The following ZNF555 variants were observed in gnomAD, a reference collection of about 807,000 sequenced individuals.
ZNF555 encodes the protein zinc finger protein 555.
Under a neutral mutation model 14.0 loss-of-function variants are expected in ZNF555, and 10 were observed. The ratio of observed to expected loss-of-function variants is 0.72; its 90% confidence interval spans 0.44 to 1.21. The LOEUF (loss-of-function observed/expected upper bound fraction) is 1.21, where lower values mean the gene tolerates loss of function less well. Ranked by LOEUF, ZNF555 falls within the 50% of genes most tolerant of loss-of-function variation. The pLI is 0.00. For missense variants in ZNF555, 747 were observed against 762.0 expected, an observed-to-expected ratio of 0.98 and a Z score of 0.23; for synonymous variants, 277 against 262.4, an observed-to-expected ratio of 1.06 and a Z score of -0.54.
chr19:2,841,689 C>G (rs1189952959), intron 1 of ZNF555, 114 bp downstream of exon 1: 8 of 1,286,018 alleles, frequency 6.2e-6, no homozygotes, highest in Non-Finnish European at 8.0e-6. Context: ...GCGAGGGCGG[C>G]GCAGGACGGG....
rs73517568 is a variant in ZNF555 at position 2,845,655 on chromosome 19, G to A, written c.3+4080G>A. 5.2e-3 allele frequency among the ~76,000 whole-genome samples: 798 copies of A among 152,212 alleles called. 7 individuals carry two copies. The highest frequency in any genetic ancestry group is 0.018 in the African/African-American group (762 of 41,516). On this transcript the variant is annotated intron_variant, in intron 1 of 3. Transcript: ENST00000334241. The stretch of plus-strand genomic sequence containing the variant: ...GCTTTTTAATAACAGCCATTCTGAC[G>A]GGTGTGAGATGGTATCTCATCGTGC...
chr19:2,851,298 GAA>G (rs1568343805), intron 2 of ZNF555, among the ~76,000 whole-genome samples, 168 bp from the exon 3 acceptor site: 1 of 150,516 alleles, frequency 6.6e-6, no homozygotes, highest in African/African-American at 2.4e-5. Flanking sequence ...GCCTGGCCGT[GAA>G]TTTTTTTTTT....
rs77777243 is a variant in ZNF555 at position 2,854,024 on chromosome 19, A to C, written c.*72A>C. On this transcript the variant is annotated 3_prime_UTR_variant, in exon 4 of 4. Coordinates refer to ENST00000334241, the MANE Select transcript of ZNF555 (RefSeq NM_152791.5). ...ATTTGCAAATAAACATTTAGTTGAA[A>C]AATAATTCTCCAAATACTCTCAGCT... is the stretch of plus-strand genomic sequence containing the variant. The C allele has an allele frequency of 1.5e-3, 2,386 of 1,562,446 alleles. 28 individuals are homozygous for C. The African/African-American group carries it at 0.029, about 19-fold the overall frequency.
intron 1 of ZNF555, among the ~76,000 whole-genome samples, chr19:2,846,679 C>G (rs1393898623): frequency 2.0e-5 from 3 of 152,188 alleles, no homozygotes; most frequent in African/African-American, 7.2e-5. Flanking sequence ...CCATAAAACA[C>G]CGAAGGCTTT....
chr19:2,847,926 C>A (rs897482113), intron 1 of ZNF555, among the ~76,000 whole-genome samples: 2 of 152,132 alleles, frequency 1.3e-5, no homozygotes, highest in African/African-American at 4.8e-5. Flanking sequence ...AACACTCCAG[C>A]CTTTTTTTTA....
At chr19:2,842,063 T>C (rs2741994) in intron 1 of ZNF555, among the ~76,000 whole-genome samples, 143,962 of 152,086 alleles carry the variant, frequency 0.95, 68,199 homozygotes, top group East Asian at 1. Context: ...CCGCCTCCGC[T>C]CGCGCTCCCG....
chr19:2,841,571 A>T lies in ZNF555; in HGVS notation c.-2A>T, dbSNP rs1375753663. The T allele has an allele frequency of 3.2e-6, 5 of 1,543,134 alleles. No homozygotes were observed. The East Asian group carries it at 1.3e-4, about 39-fold the overall frequency. ...CCGGTAGCGAAGAAATCGCCCCGGG[A>T]CATGGTGAGTGTGGCGCAGGAGAGG... On this transcript the variant is annotated 5_prime_UTR_variant, in exon 1 of 4. Coordinates refer to ENST00000334241, the MANE Select transcript of ZNF555 (RefSeq NM_152791.5).
chr19:2,845,655 G>T (rs73517568), intron 1 of ZNF555, among the ~76,000 whole-genome samples: 2 of 152,216 alleles, frequency 1.3e-5, no homozygotes, highest in African/African-American at 4.8e-5. Context: ...CCATTCTGAC[G>T]GGTGTGAGAT....
At position 2,854,202 on chromosome 19, in the gene ZNF555, G is replaced by C; in HGVS notation, c.*250G>C. On this transcript the variant is annotated 3_prime_UTR_variant, in exon 4 of 4. Transcript: ENST00000334241. ...AATTTCTTAAATTGTAACTGACTTA[G>C]TGTGACAGGTATTGGATATTACGTA... The C allele has an allele frequency of 2.1e-6, 1 of 486,100 alleles. No homozygotes were observed. Among genetic ancestry groups the C allele is most frequent in the Non-Finnish European group, 3.6e-6 (1 of 275,382 alleles). The allele number at this position is 486,100 out of a possible 1,614,324, so 30.1% of individuals were successfully genotyped here.
At chr19:2,849,478 TAA>T (rs2087609699) in intron 1 of ZNF555, among the ~76,000 whole-genome samples, 1 of 144,156 alleles carries the variant, frequency 6.9e-6, no homozygotes, top group African/African-American at 2.6e-5. Flanking sequence ...AGGTTAGCAA[TAA>T]TACTTTTTTT....
At position 2,859,496 on chromosome 19, in the gene ZNF555, G is replaced by A. The variant is rs962044963; in HGVS notation, c.*5544G>A. The A allele has an allele frequency of 6.6e-6, 1 of 152,232 alleles. No homozygotes were observed. Among genetic ancestry groups the A allele is most frequent in the Admixed American group, 6.6e-5 (1 of 15,264 alleles). The allele number at this position is 152,232 out of a possible 1,614,324, so 9.4% of individuals were successfully genotyped here. On this transcript the variant is annotated 3_prime_UTR_variant, in exon 4 of 4. Transcript: ENST00000334241. ...TGCTGTGAATATGATGGCGTCAGAG[G>A]TGACTGCAAAAAAGGACAGGGCAGC... is the stretch of plus-strand genomic sequence containing the variant.
intron 1 of ZNF555, among the ~76,000 whole-genome samples, chr19:2,846,241 A>C (rs985372391): frequency 5.3e-5 from 8 of 152,196 alleles, no homozygotes; most frequent in Admixed American, 1.3e-4. Context: ...AAGTTCAGGA[A>C]CTGGGGCCAC....
chr19:2,847,294 CT>C (rs1216848188), intron 1 of ZNF555: 1 of 152,196 alleles, frequency 6.6e-6, no homozygotes, highest in African/African-American at 2.4e-5. Flanking sequence ...ACGTGGCCAC[CT>C]TCCGTGTGTG....
In ZNF555 at chr19:2,852,591, G is replaced by T; in HGVS notation, c.526G>T (p.Glu176Ter). ...TGGACACAAACCATATCAGTGCCAG[G>T]AATGTGGGCAGGCCTACAGTTGTCG... ...HTGHKPYQCQ[E>*]CGQAYSCRSH... Residue 176 changes from glutamate (E) to a stop codon, truncating the protein, a stop_gained, in exon 4 of 4, where the codon GAA becomes TAA. Coordinates refer to ENST00000334241, the MANE Select transcript of ZNF555 (RefSeq NM_152791.5). LOFTEE classifies it low-confidence loss of function (END_TRUNC). The T allele has an allele frequency of 6.2e-7, 1 of 1,614,134 alleles. No individual in the cohort carries two copies. Among genetic ancestry groups the T allele is most frequent in the Non-Finnish European group, 8.5e-7 (1 of 1,180,036 alleles).
At position 2,853,552 on chromosome 19, in the gene ZNF555, A is replaced by C. The variant is rs753743476; in HGVS notation, c.1487A>C (p.Gln496Pro). 2 of 1,610,970 alleles carry C rather than the reference A, an allele frequency of 1.2e-6. No individual in the cohort carries two copies. The highest frequency in any genetic ancestry group is 4.5e-5 in the East Asian group (2 of 44,812). Residue 496 changes from glutamine (Q) to proline (P), a missense_variant, in exon 4 of 4, where the codon CAA becomes CCA. Gln to Pro is a moderately conservative substitution (Grantham distance 76). Transcript: ENST00000334241. ...GKAFYCHISLQKHMRRHTAEK... is the reference protein window; with the variant it reads ...GKAFYCHISLPKHMRRHTAEK... ...GCTTTCTATTGCCACATATCCTTAC[A>C]AAAACATATGAGAAGACATACCGCA...
At chr19:2,851,295 C>T (rs902480663) in intron 2 of ZNF555, among the ~76,000 whole-genome samples, 173 bp from the exon 3 acceptor site, 14 of 124,920 alleles carry the variant, frequency 1.1e-4, no homozygotes, top group East Asian at 3.5e-4. Flanking sequence ...CGCGCCTGGC[C>T]GTGAATTTTT....
At position 2,853,640 on chromosome 19, in the gene ZNF555, A is replaced by T. The variant is rs753444288; in HGVS notation, c.1575A>T (p.Gln525His). ...KAFSWPELLQ[Q>H]HVRTHTVEKP... Reference sequence around the variant, plus strand: ...TCAGTTGGCCTGAACTTTTGCAACAACATGTGAGAACGCACACTGTAGAGA... The same window carrying T: ...TCAGTTGGCCTGAACTTTTGCAACATCATGTGAGAACGCACACTGTAGAGA... The change falls in exon 4 of 4, where the codon CAA becomes CAT. Residue 525 changes from glutamine to histidine, a missense_variant. Coordinates refer to ENST00000334241, the MANE Select transcript of ZNF555 (RefSeq NM_152791.5). The T allele has an allele frequency of 5.6e-6, 9 of 1,599,888 alleles. No homozygotes were observed. Among genetic ancestry groups the T allele is most frequent in the Non-Finnish European group, 7.7e-6 (9 of 1,173,212 alleles).
intron 2 of ZNF555, 100 bp downstream of exon 2, chr19:2,850,813 A>G (rs2087622953): frequency 6.9e-7 from 1 of 1,455,946 alleles, no homozygotes; most frequent in Non-Finnish European, 9.4e-7. Flanking sequence ...GAAAGGGAAT[A>G]AATTGGTAAA....
rs1335471411 is a variant in ZNF555 at position 2,855,590 on chromosome 19, T to G, written c.*1638T>G. 6.6e-6 allele frequency: 1 copy of G among 152,134 alleles called. No individual in the cohort carries two copies. Among genetic ancestry groups the G allele is most frequent in the African/African-American group, 2.4e-5 (1 of 41,430 alleles). The allele number at this position is 152,134 out of a possible 1,614,324, so 9.4% of individuals were successfully genotyped here. A position where few individuals can be genotyped will look rare whatever the true frequency, so the allele number is the denominator to read the frequency against. On this transcript the variant is annotated 3_prime_UTR_variant, in exon 4 of 4. Transcript: ENST00000334241. ...AAAAAAAAATCCTATTTACTGTGCT[T>G]TCAAATTAGTTGTTTAGAGACTATA...
Sources: gnomAD v4.1 joint callset for allele counts (sites outside exome capture counted in the v4.1 genomes callset) on GRCh38, gnomAD v4.1.1 for gene constraint, MANE v1.5 for transcripts, NCBI Gene and HGNC (gene_info 2026-07-23, HGNC 2026-07-21) for gene names.